ADAMTS6: variants seen among roughly 807,000 people sequenced by gnomAD.
The protein encoded by ADAMTS6 is ADAM metallopeptidase with thrombospondin type 1 motif 6.
A neutral mutation model predicts 144.3 loss-of-function variants in ADAMTS6; 23 were observed. The ratio of observed to expected loss-of-function variants is 0.16; its 90% CI spans 0.11 to 0.23. The LOEUF (loss-of-function observed/expected upper bound fraction) is 0.23, where lower values mean the gene tolerates loss of function less well. ADAMTS6 is among the 10% of genes least tolerant of loss of function. The probability of loss-of-function intolerance (pLI) is 1.00; values close to 1 mark genes in which losing one functional copy is unlikely to be tolerated. For missense variants in ADAMTS6, 999 were observed against 1,379.6 expected (o/e 0.72, Z 4.37); for synonymous variants, 444 against 457.5 (o/e 0.97, Z 0.38).
intron 7 of ADAMTS6, chr5:65,415,618 A>G: frequency 3.1e-6 from 1 of 324,964 alleles, no homozygotes; most frequent in Non-Finnish European, 6.0e-6. Flanking sequence ...AAGGAGTCTG[A>G]GATCACTGAT....
chr5:65,204,112 A>T (rs1580048801), intron 20 of ADAMTS6, among the ~76,000 whole-genome samples: 1 of 152,216 alleles, frequency 6.6e-6, no homozygotes. Flanking sequence ...AAATCTTCAC[A>T]TTAGAGAAAA....
chr5:65,397,035 A>T (rs1243976222), intron 7 of ADAMTS6, among the ~76,000 whole-genome samples: 1 of 152,192 alleles, frequency 6.6e-6, no homozygotes, highest in Non-Finnish European at 1.5e-5. Flanking sequence ...GTCTATTCAG[A>T]TTGTCTATCT....
intron 20 of ADAMTS6, 103 bp from the exon 21 acceptor site, chr5:65,197,254 G>T: frequency 1.6e-6 from 2 of 1,214,146 alleles, no homozygotes; most frequent in Non-Finnish European, 2.3e-6. Context: ...CTGGATCGCT[G>T]CCGTCTTATC....
At chr5:65,305,948 G>C (rs1466204624) in intron 9 of ADAMTS6, among the ~76,000 whole-genome samples, 1 of 152,184 alleles carries the variant, frequency 6.6e-6, no homozygotes, top group Non-Finnish European at 1.5e-5. Context: ...ATTTGTCCGG[G>C]TAATTTTCAG....
chr5:65,441,844 A>G (rs1561545010), intron 7 of ADAMTS6, among the ~76,000 whole-genome samples: 1 of 151,996 alleles, frequency 6.6e-6, no homozygotes, highest in South Asian at 2.1e-4. Flanking sequence ...AAAAAAAAAA[A>G]AAAGAAATAC....
At position 65,197,093 on chromosome 5, in the gene ADAMTS6, G is replaced by A. The variant is rs752257673; in HGVS notation, c.2634C>T (p.Asn878=). The A allele has an allele frequency of 6.2e-7, 1 of 1,614,034 alleles. No homozygotes were observed. The highest frequency in any genetic ancestry group is 1.7e-5 in the Admixed American group (1 of 60,010). The change falls in exon 21 of 25, where the codon AAC becomes AAT. Residue 878 remains asparagine, a synonymous_variant. Transcript: ENST00000381055. The part of the protein sequence containing the change: ...KRLDDNSIVQ[N]NYCDPDSKPP... ...GCTTACTGTCAGGATCACAGTAATT[G>A]TTCTGGACAATGGAGTTGTCATCCA...
At chr5:65,394,310 G>T (rs768914700) in intron 7 of ADAMTS6, among the ~76,000 whole-genome samples, 1 of 152,148 alleles carries the variant, frequency 6.6e-6, no homozygotes, top group Non-Finnish European at 1.5e-5. Context: ...AGAGAAAGAT[G>T]CCCGGCCATC....
intron 21 of ADAMTS6, among the ~76,000 whole-genome samples, chr5:65,193,008 A>G (rs1405188520): frequency 6.6e-6 from 1 of 152,008 alleles, no homozygotes; most frequent in African/African-American, 2.4e-5. Flanking sequence ...GATAAAAAAT[A>G]CGATTTAGAA....
intron 20 of ADAMTS6, among the ~76,000 whole-genome samples, chr5:65,212,595 T>C (rs1325755759): frequency 2.6e-5 from 4 of 152,278 alleles, no homozygotes; most frequent in Admixed American, 2.0e-4. Flanking sequence ...CCTCTTCTTC[T>C]TCTTTGCTTT....
Position 65,451,606 on chromosome 5 carries a change from T to A in ADAMTS6, c.942A>T (p.Ile314=). The A allele has an allele frequency of 6.2e-7, 1 of 1,612,640 alleles. No individual in the cohort carries two copies. The highest frequency in any genetic ancestry group is 1.1e-5 in the South Asian group (1 of 90,874). The change falls in exon 7 of 25, where the codon ATA becomes ATT. Residue 314 remains isoleucine, a synonymous_variant. Transcript: ENST00000381055. ...VLTEDQPNLE[I]NHHADKSLDS... The stretch of plus-strand genomic sequence containing the variant: ...CGAGGGACTTGTCTGCATGGTGGTT[T>A]ATCTCCAAGTTTGGCTGCAATACAA...
At chr5:65,275,883 A>G (rs1183426879) in intron 11 of ADAMTS6, among the ~76,000 whole-genome samples, 1 of 152,112 alleles carries the variant, frequency 6.6e-6, no homozygotes, top group African/African-American at 2.4e-5. Context: ...AGAGATTAAT[A>G]TAAAGATTAT....
chr5:65,225,145 G>A, intron 16 of ADAMTS6, 98 bp from the exon 17 acceptor site: 1 of 1,321,766 alleles, frequency 7.6e-7, no homozygotes, highest in Non-Finnish European at 1.0e-6. Flanking sequence ...TGTTTTTCCA[G>A]TAAAGAAAAG....
intron 20 of ADAMTS6, among the ~76,000 whole-genome samples, chr5:65,199,278 T>C (rs1248596598): frequency 6.6e-6 from 1 of 152,220 alleles, no homozygotes; most frequent in African/African-American, 2.4e-5. Context: ...GCAGAAACAT[T>C]AATTCAGTTT....
In ADAMTS6 at chr5:65,459,129, T is replaced by C. The variant is rs368885736; in HGVS notation, c.631+1041A>G. ...TGGGCTCAAGCTATCCTCCCGCCTC[T>C]TGCCTCCCTGAGAGCTGGGATTACA... On this transcript the variant is annotated intron_variant, in intron 4 of 24. Transcript: ENST00000381055. Among the ~76,000 whole-genome samples, 58 of 151,620 alleles carry C rather than the reference T, an allele frequency of 3.8e-4. No homozygotes were observed. The South Asian group carries it at 0.011, about 29-fold the overall frequency.
chr5:65,190,027 G>A (rs1430723139), intron 21 of ADAMTS6, among the ~76,000 whole-genome samples: 2 of 152,176 alleles, frequency 1.3e-5, no homozygotes, highest in African/African-American at 2.4e-5. Flanking sequence ...GTATACGGAA[G>A]ATAATACTTT....
chr5:65,178,568 T>G (rs1579973134), intron 22 of ADAMTS6, among the ~76,000 whole-genome samples: 2 of 151,790 alleles, frequency 1.3e-5, no homozygotes, highest in African/African-American at 2.4e-5. Flanking sequence ...GCAGCTGGAG[T>G]TTTAACCCAA....
chr5:65,357,885 C>A (rs2150099801), intron 7 of ADAMTS6, among the ~76,000 whole-genome samples: 1 of 151,954 alleles, frequency 6.6e-6, no homozygotes, highest in Non-Finnish European at 1.5e-5. Flanking sequence ...AATGGCTTCA[C>A]TAGTGAATTA....
At chr5:65,379,557 T>A (rs1304678213) in intron 7 of ADAMTS6, among the ~76,000 whole-genome samples, 1 of 152,192 alleles carries the variant, frequency 6.6e-6, no homozygotes, top group Non-Finnish European at 1.5e-5. Context: ...TCTGTTATGC[T>A]TACTTAATAA....
chr5:65,322,561 GTTTTT>G (rs3049530), intron 9 of ADAMTS6, among the ~76,000 whole-genome samples: 1 of 118,422 alleles, frequency 8.4e-6, no homozygotes, highest in African/African-American at 3.2e-5. Context: ...GTGGTATGTA[GTTTTT>G]TTTTTTTTTT....
Sources: gnomAD v4.1 joint callset for allele counts (sites outside exome capture counted in the v4.1 genomes callset) on GRCh38, gnomAD v4.1.1 for gene constraint, MANE v1.5 for transcripts, NCBI Gene and HGNC (gene_info 2026-07-23, HGNC 2026-07-21) for gene names.